Variants in POU6F2 observed in about 807,000 individuals in gnomAD.
The protein encoded by POU6F2 is POU class 6 homeobox 2.
Under a neutral mutation model 71.3 loss-of-function variants are expected in POU6F2, and 31 were observed. The ratio of observed to expected loss-of-function variants is 0.43; its 90% CI spans 0.33 to 0.59. The LOEUF is 0.59. Among genes scored for constraint, POU6F2 ranks in the 20% least tolerant of loss-of-function variants. The pLI is 0.04. For synonymous variants in POU6F2, 347 were observed against 355.7 expected (o/e 0.98, Z 0.27); for missense variants, 783 against 856.8 (o/e 0.91, Z 1.07).
chr7:39,167,599 A>G (rs1793139993), intron 2 of POU6F2, among the ~76,000 whole-genome samples: 1 of 152,104 alleles, frequency 6.6e-6, no homozygotes, highest in African/African-American at 2.4e-5. Flanking sequence ...TCCCTTCCCC[A>G]TGACTGTAGC....
chr7:39,122,797 T>C (rs763396138), intron 2 of POU6F2, among the ~76,000 whole-genome samples: 2 of 149,262 alleles, frequency 1.3e-5, no homozygotes, highest in Non-Finnish European at 3.0e-5. Context: ...AACCTCTGCC[T>C]CCCAGGTTCA....
rs73695627 is a variant in POU6F2 at position 39,072,889 on chromosome 7, A to G, written c.106-12971A>G. On this transcript the variant is annotated intron_variant, in intron 1 of 9. Coordinates refer to ENST00000518318, the MANE Select transcript of POU6F2 (RefSeq NM_001370959.1). ...GAGGGCATTGTGTTTGTGTGTGCAC[A>G]TGCCTAATCTACATACATAGAACAC... Among the ~76,000 whole-genome samples, 959 of 152,360 alleles carry G rather than the reference A, an allele frequency of 6.3e-3. 11 individuals carry two copies. The highest frequency in any genetic ancestry group is 0.022 in the African/African-American group (921 of 41,588).
At chr7:39,451,052 T>C (rs1244366941) in intron 7 of POU6F2, among the ~76,000 whole-genome samples, 3 of 152,136 alleles carry the variant, frequency 2.0e-5, no homozygotes, top group Non-Finnish European at 4.4e-5. Flanking sequence ...AGGAGGAAGT[T>C]CCCACACACA....
intron 1 of POU6F2, among the ~76,000 whole-genome samples, chr7:39,032,356 A>G (rs531051931): frequency 3.3e-4 from 51 of 152,348 alleles, no homozygotes; most frequent in African/African-American, 1.2e-3. Flanking sequence ...TATTCAATTA[A>G]AAAGAGGGAA....
intron 1 of POU6F2, among the ~76,000 whole-genome samples, chr7:39,064,713 T>G (rs1790723289): frequency 6.6e-6 from 1 of 151,838 alleles, no homozygotes; most frequent in South Asian, 2.1e-4. Context: ...ATCTTAGTTA[T>G]AAGAGACACA....
At chr7:39,410,600 G>C (rs577328931) in intron 6 of POU6F2, among the ~76,000 whole-genome samples, 1 of 152,228 alleles carries the variant, frequency 6.6e-6, no homozygotes, top group South Asian at 2.1e-4. Context: ...GTGACGTCGG[G>C]CAAATTACTT....
At chr7:39,237,934 A>G (rs67128960) in intron 4 of POU6F2, among the ~76,000 whole-genome samples, 23,776 of 151,982 alleles carry the variant, frequency 0.16, 2,120 homozygotes, top group African/African-American at 0.25. Flanking sequence ...GGTTTTCTCC[A>G]TTTCTCGTGT....
At position 39,246,905 on chromosome 7, in the gene POU6F2, C is replaced by CTTTTTTTTTTTTT. The variant is rs398004470; in HGVS notation, c.598+39296_598+39308dup. ...CCAGCTCACCCCAAATCCAGGGTGG[C>CTTTTTTTTTTTTT]TTTTTTTTTTTTTTTTTTTTTTTGC... is the stretch of plus-strand genomic sequence containing the variant. On this transcript the variant is annotated intron_variant, in intron 4 of 9. Transcript: ENST00000518318. Among the ~76,000 whole-genome samples, 151 of 78,138 alleles carry CTTTTTTTTTTTTT rather than the reference C, an allele frequency of 1.9e-3. 11 individuals carry two copies. The highest frequency in any genetic ancestry group is 5.7e-3 in the African/African-American group (98 of 17,072). 51.3% of individuals were successfully genotyped at this position (78,138 alleles called of 152,430 possible). A position where few individuals can be genotyped will look rare whatever the true frequency, so the allele number is the denominator to read the frequency against.
intron 4 of POU6F2, among the ~76,000 whole-genome samples, chr7:39,258,360 CTG>C (rs1295844856): frequency 2.6e-5 from 4 of 152,172 alleles, no homozygotes; most frequent in East Asian, 3.9e-4. Context: ...ATATTAAAAA[CTG>C]TGTTCTGGAG....
At chr7:39,221,166 T>C (rs1269461069) in intron 4 of POU6F2, among the ~76,000 whole-genome samples, 3 of 152,088 alleles carry the variant, frequency 2.0e-5, no homozygotes, top group Non-Finnish European at 4.4e-5. Context: ...GATCTGCCTA[T>C]ACAAATGGCA....
In POU6F2 at chr7:39,257,410, G is replaced by A. The variant is rs567548073; in HGVS notation, c.598+49790G>A. ...TTTTGAAGGGAAAAAAAATCTTCTTGTTACAGTGAACTTTTAAATTCCTAT... is the reference window on the plus strand; with the variant it reads ...TTTTGAAGGGAAAAAAAATCTTCTTATTACAGTGAACTTTTAAATTCCTAT... On this transcript the variant is annotated intron_variant, in intron 4 of 9. Coordinates refer to ENST00000518318, the MANE Select transcript of POU6F2 (RefSeq NM_001370959.1). Among the ~76,000 whole-genome samples the A allele has an allele frequency of 4.6e-5, 7 of 152,132 alleles. 1 individual carries two copies. The South Asian group carries it at 8.3e-4, about 18-fold the overall frequency.
chr7:39,454,657 T>G (rs191975342), intron 8 of POU6F2, among the ~76,000 whole-genome samples: 93 of 234 alleles, frequency 0.4, no homozygotes, highest in Middle Eastern at 0.5. Context: ...AGACCAGGGA[T>G]ATATATATAT....
chr7:39,355,685 G>A (rs1211033170), intron 5 of POU6F2, among the ~76,000 whole-genome samples: 1 of 151,978 alleles, frequency 6.6e-6, no homozygotes, highest in Non-Finnish European at 1.5e-5. Context: ...CCCAGCCTTC[G>A]CCCACACACA....
intron 5 of POU6F2, among the ~76,000 whole-genome samples, chr7:39,359,449 C>T (rs1215648419): frequency 6.6e-6 from 1 of 152,042 alleles, no homozygotes; most frequent in Non-Finnish European, 1.5e-5. Context: ...TTGGGGTTTT[C>T]TCTACTAGAA....
intron 5 of POU6F2, 105 bp from the exon 6 acceptor site, chr7:39,406,495 T>G: frequency 5.5e-5 from 76 of 1,379,468 alleles, no homozygotes; most frequent in Non-Finnish European, 7.2e-5. Flanking sequence ...GCCCTTTGCA[T>G]GAGCGAATTG....
chr7:39,405,172 T>C (rs1475294901), intron 5 of POU6F2, among the ~76,000 whole-genome samples: 1 of 152,114 alleles, frequency 6.6e-6, no homozygotes, highest in Non-Finnish European at 1.5e-5. Flanking sequence ...AAGAAACCGA[T>C]AAGATAAAGA....
chr7:39,035,417 TGGA>T (rs1790035919), intron 1 of POU6F2, among the ~76,000 whole-genome samples: 2 of 152,146 alleles, frequency 1.3e-5, no homozygotes, highest in African/African-American at 4.8e-5. Context: ...GTTTTCTGTT[TGGA>T]GGAGAAGGCG....
chr7:39,077,331 G>C (rs1791022283), intron 1 of POU6F2, among the ~76,000 whole-genome samples: 2 of 152,272 alleles, frequency 1.3e-5, no homozygotes, highest in South Asian at 4.1e-4. Flanking sequence ...GAAGCTTGTA[G>C]AGGTTCAAGG....
At chr7:39,100,833 C>T (rs564474305) in intron 2 of POU6F2, among the ~76,000 whole-genome samples, 1 of 152,250 alleles carries the variant, frequency 6.6e-6, no homozygotes, top group East Asian at 1.9e-4. Context: ...TCTGTCTCCA[C>T]TTGGCTGCAC....
Sources: gnomAD v4.1 joint callset for allele counts (sites outside exome capture counted in the v4.1 genomes callset) on GRCh38, gnomAD v4.1.1 for gene constraint, MANE v1.5 for transcripts, NCBI Gene and HGNC (gene_info 2026-07-23, HGNC 2026-07-21) for gene names.